USP34: variants seen among roughly 807,000 people sequenced by gnomAD.
The protein encoded by USP34 is ubiquitin carboxyl-terminal hydrolase 34.
Under a neutral mutation model 460.3 loss-of-function variants are expected in USP34, and 70 were observed. The ratio of observed to expected loss-of-function variants is 0.15; its 90% confidence interval spans 0.13 to 0.19. The LOEUF is 0.19. Ranked by LOEUF, USP34 falls within the 10% of genes least tolerant of loss-of-function variation. USP34 has a pLI of 1.00. For missense variants in USP34, 3,985 were observed against 4,236.2 expected (o/e 0.94, Z 1.65); for synonymous variants, 1,647 against 1,405.3 (o/e 1.17, Z -3.85).
At chr2:61,303,067 T>C (rs1483349788) in intron 27 of USP34, among the ~76,000 whole-genome samples, 11 of 152,076 alleles carry the variant, frequency 7.2e-5, no homozygotes, top group African/African-American at 1.5e-4. Context: ...CCTCATATTA[T>C]TGTAAGTTTT....
rs918037581 is a variant in USP34, at chr2:61,206,715, T to C, written c.9046+45A>G. The C allele has an allele frequency of 1.9e-6, 3 of 1,601,128 alleles. No homozygotes were observed. The African/African-American group carries it at 4.1e-5, about 22-fold the overall frequency. On this transcript the variant is annotated intron_variant, in intron 71 of 79. Coordinates refer to ENST00000398571, the MANE Select transcript of USP34 (RefSeq NM_014709.4). ...CATGATTTTAAAACCTTCTCTCTCT[T>C]TACTAGTAGCACGAACAAAACATAA...
chr2:61,337,484 A>T (rs1053433176), intron 18 of USP34, among the ~76,000 whole-genome samples: 1 of 151,874 alleles, frequency 6.6e-6, no homozygotes, highest in Non-Finnish European at 1.5e-5. Flanking sequence ...ACAAGGTCTC[A>T]CTCTGTTGCT....
intron 75 of USP34, among the ~76,000 whole-genome samples, chr2:61,194,707 A>G (rs1686744510): frequency 6.6e-6 from 1 of 152,132 alleles, no homozygotes; most frequent in Non-Finnish European, 1.5e-5. Flanking sequence ...TGTAATCCCA[A>G]CACTTTGGGA....
chr2:61,458,891 C>T (rs929239276), intron 1 of USP34, among the ~76,000 whole-genome samples: 21 of 151,844 alleles, frequency 1.4e-4, no homozygotes, highest in African/African-American at 5.1e-4. Context: ...CATGGTGAAA[C>T]CCCATTCCTA....
chr2:61,217,459 A>T (rs766406494), intron 67 of USP34, among the ~76,000 whole-genome samples: 67 of 152,216 alleles, frequency 4.4e-4, no homozygotes, highest in Non-Finnish European at 8.5e-4. Context: ...TACTAATTCT[A>T]TTCAAATATT....
At position 61,464,196 on chromosome 2, in the gene USP34, C is replaced by T. The variant is rs529385271; in HGVS notation, c.43+6454G>A. Among the ~76,000 whole-genome samples the T allele has an allele frequency of 1.0e-3, 156 of 151,706 alleles. 1 individual carries two copies. The highest frequency in any genetic ancestry group is 9.2e-3 in the Admixed American group (140 of 15,256). ...TAGCTGGGCGTGGTGGCAGGCGCCT[C>T]TAATTCCAGCTACTCAGGAGGATGA... is the stretch of plus-strand genomic sequence containing the variant. On this transcript the variant is annotated intron_variant, in intron 1 of 79. Transcript: ENST00000398571.
intron 10 of USP34, among the ~76,000 whole-genome samples, chr2:61,353,706 C>T (rs984323793): frequency 6.6e-6 from 1 of 152,020 alleles, no homozygotes; most frequent in African/African-American, 2.4e-5. Context: ...GCTAGGATTA[C>T]AGGTGTGACT....
Position 61,259,561 on chromosome 2 carries a change from T to C in USP34, c.5844+150A>G, listed in dbSNP as rs1046395397. The C allele has an allele frequency of 6.1e-5, 36 of 588,326 alleles. 1 individual carries two copies. Among genetic ancestry groups the C allele is most frequent in the Non-Finnish European group, 1.0e-4 (35 of 341,912 alleles). 36.4% of individuals were successfully genotyped at this position (588,326 alleles called of 1,614,324 possible). A position where few individuals can be genotyped will look rare whatever the true frequency, so the allele number is the denominator to read the frequency against. The stretch of plus-strand genomic sequence containing the variant: ...CACCACCATGCCTGGCTTATTTTTT[T>C]TTTTAGTAGAGATGGGGTTTCACCA... On this transcript the variant is annotated intron_variant, in intron 44 of 79. Transcript: ENST00000398571.
At chr2:61,399,216 G>A (rs550858661) in intron 3 of USP34, among the ~76,000 whole-genome samples, 1 of 152,118 alleles carries the variant, frequency 6.6e-6, no homozygotes, top group Admixed American at 6.6e-5. Context: ...ACGCATGCCT[G>A]TAATCCCAGC....
At chr2:61,286,599 G>A (rs746049123) in intron 34 of USP34, among the ~76,000 whole-genome samples, 19 of 152,128 alleles carry the variant, frequency 1.2e-4, no homozygotes, top group Admixed American at 2.0e-4. Flanking sequence ...AGGTTGCAGT[G>A]AGCCGAGATG....
chr2:61,329,109 C>G (rs912393974), intron 20 of USP34, among the ~76,000 whole-genome samples: 2 of 152,188 alleles, frequency 1.3e-5, no homozygotes, highest in African/African-American at 4.8e-5. Context: ...GCAACCTCCA[C>G]CTCCTGGGTT....
Position 61,208,980 on chromosome 2 carries a change from AG to A in USP34, c.8841-4del. 6.4e-7 allele frequency: 1 copy of A among 1,561,828 alleles called. No homozygotes were observed. Among genetic ancestry groups the A allele is most frequent in the Non-Finnish European group, 8.7e-7 (1 of 1,153,412 alleles). ...ATTCTAATAGTATTCTGAAGGCACT[AG>A]AAGAAAACATAAAGTTCAGTTTGAG... On this transcript the variant is annotated splice_polypyrimidine_tract_variant and splice_region_variant and intron_variant, in intron 69 of 79. Transcript: ENST00000398571.
At chr2:61,387,356 T>G (rs1466602615) in intron 5 of USP34, among the ~76,000 whole-genome samples, 1 of 151,710 alleles carries the variant, frequency 6.6e-6, no homozygotes. Context: ...TCCCAGCTAC[T>G]TGGAAAGCTG....
At position 61,314,863 on chromosome 2, in the gene USP34, C is replaced by G. The variant is rs1383829136; in HGVS notation, c.3382+12G>C. The G allele has an allele frequency of 1.2e-6, 2 of 1,601,676 alleles. No homozygotes were observed. Among genetic ancestry groups the G allele is most frequent in the Non-Finnish European group, 1.7e-6 (2 of 1,176,816 alleles). ...AGAAATTACCTATCAGACAATGTTT[C>G]AAATCACTTACCATTAATATAATAG... On this transcript the variant is annotated intron_variant, in intron 24 of 79. Coordinates refer to ENST00000398571, the MANE Select transcript of USP34 (RefSeq NM_014709.4).
At position 61,462,414 on chromosome 2, in the gene USP34, T is replaced by C. The variant is rs1459102841; in HGVS notation, c.43+8236A>G. On this transcript the variant is annotated intron_variant, in intron 1 of 79. Coordinates refer to ENST00000398571, the MANE Select transcript of USP34 (RefSeq NM_014709.4). The stretch of plus-strand genomic sequence containing the variant: ...AAACACAAATATTAGCTGGGCATGG[T>C]GGTACGCACCTGTAATCCCAGCTAC... Among the ~76,000 whole-genome samples, 3 of 151,102 alleles carry C rather than the reference T, an allele frequency of 2.0e-5. No individual in the cohort carries two copies. In the East Asian group the frequency reaches 5.8e-4, roughly 29 times the overall value.
chr2:61,417,359 G>A, intron 2 of USP34: 1 of 593,506 alleles, frequency 1.7e-6, no homozygotes, highest in South Asian at 1.8e-5. Context: ...AAGGAATTCA[G>A]TCAGCTTAAT....
rs192646612 is a variant in USP34 at position 61,360,589 on chromosome 2, A to G, written c.1251+9732T>C. ...ACATTCCATATTCATGCACTGAAGGAAAAATATCATTAAAAGTCCATACCA... is the reference window on the plus strand; with the variant it reads ...ACATTCCATATTCATGCACTGAAGGGAAAATATCATTAAAAGTCCATACCA... On this transcript the variant is annotated intron_variant, in intron 10 of 79. Transcript: ENST00000398571. Among the ~76,000 whole-genome samples, 1,230 of 152,360 alleles carry G rather than the reference A, an allele frequency of 8.1e-3. 6 individuals are homozygous for G. The highest frequency in any genetic ancestry group is 0.014 in the Non-Finnish European group (982 of 68,028).
intron 67 of USP34, among the ~76,000 whole-genome samples, chr2:61,216,493 G>A (rs1394609794): frequency 2.6e-5 from 4 of 152,048 alleles, no homozygotes; most frequent in Admixed American, 6.5e-5. Flanking sequence ...CCAGCTACTC[G>A]GGAGGCTGAG....
intron 21 of USP34, among the ~76,000 whole-genome samples, chr2:61,321,388 T>C (rs893092138): frequency 1.1e-4 from 17 of 152,130 alleles, no homozygotes; most frequent in Non-Finnish European, 2.1e-4. Context: ...AGAGAATTGC[T>C]TGAACCTGGG....
Sources: allele counts gnomAD v4.1 joint callset (sites outside exome capture counted in the v4.1 genomes callset), GRCh38; gene constraint gnomAD v4.1.1; transcripts MANE v1.5; gene names NCBI Gene and HGNC (gene_info 2026-07-23, HGNC 2026-07-21).